CCDC171: variants seen among roughly 807,000 people sequenced by gnomAD.
The protein encoded by CCDC171 is coiled-coil domain-containing protein 171.
Under a neutral mutation model 168.2 loss-of-function variants are expected in CCDC171, and 177 were observed. The observed-to-expected ratio is 1.05, with a 90% CI of 0.93 to 1.19. The LOEUF is 1.19. Among genes scored for constraint, CCDC171 ranks in the 50% most tolerant of loss-of-function variants. The pLI is 0.00. For synonymous variants in CCDC171, 687 were observed against 540.8 expected (o/e 1.27, Z -3.75); for missense variants, 1,991 against 1,539.0 (o/e 1.29, Z -4.91).
chr9:16,087,572 T>C, the CCDC171 span, among the ~76,000 whole-genome samples: 2 of 147,108 alleles, frequency 1.4e-5, no homozygotes, highest in Non-Finnish European at 3.0e-5. Context: ...TTTTTTTTTT[T>C]TTTTTTTGCT....
chr9:15,729,823 T>TA, intron 16 of CCDC171, 25 bp downstream of exon 16: 2 of 1,579,518 alleles, frequency 1.3e-6, no homozygotes, highest in Non-Finnish European at 1.7e-6. Context: ...CAAAGAGCTT[T>TA]AAAAAATGGG....
chr9:15,611,001 GGGA>G (rs1271139324), intron 6 of CCDC171, among the ~76,000 whole-genome samples: 9 of 152,138 alleles, frequency 5.9e-5, no homozygotes, highest in African/African-American at 2.2e-4. Context: ...AGGGCCTGGT[GGGA>G]GGAGATCATG....
chr9:15,731,137 T>C (rs2054125441), intron 16 of CCDC171, among the ~76,000 whole-genome samples: 1 of 152,086 alleles, frequency 6.6e-6, no homozygotes. Flanking sequence ...TAAAGTCACC[T>C]TACTGTGCTT....
intron 18 of CCDC171, among the ~76,000 whole-genome samples, chr9:15,748,693 T>G (rs923598319): frequency 6.6e-6 from 1 of 152,196 alleles, no homozygotes; most frequent in Non-Finnish European, 1.5e-5. Context: ...AAAAGAATTT[T>G]CAACTCAGAA....
intron 3 of CCDC171, among the ~76,000 whole-genome samples, chr9:15,981,932 T>C (rs1564099602): frequency 6.6e-6 from 1 of 152,210 alleles, no homozygotes; most frequent in African/African-American, 2.4e-5. Context: ...TTTGTCTTTT[T>C]CATGAACAGT....
downstream of CCDC171, among the ~76,000 whole-genome samples, chr9:16,064,837 G>A (rs1392545273): frequency 6.6e-6 from 1 of 152,212 alleles, no homozygotes; most frequent in Non-Finnish European, 1.5e-5. Flanking sequence ...CTGGGTCTAA[G>A]GTATTTGAGA....
At chr9:16,034,293 GCAAAGATTTAATGGTTT>G (rs1307018448) in intron 6 of CCDC171, among the ~76,000 whole-genome samples, 1 of 152,170 alleles carries the variant, frequency 6.6e-6, no homozygotes, top group Non-Finnish European at 1.5e-5. Flanking sequence ...ATGAAGAGAT[GCAAAGATTTAATGGTTT>G]CAGGAGGGAG....
chr9:15,797,469 G>A (rs1198787345), intron 21 of CCDC171, among the ~76,000 whole-genome samples: 2 of 152,128 alleles, frequency 1.3e-5, no homozygotes, highest in Non-Finnish European at 1.5e-5. Context: ...ACCTGCCTCA[G>A]CCTCCCAAAG....
At chr9:15,702,319 C>T (rs2051819492) in intron 11 of CCDC171, among the ~76,000 whole-genome samples, 1 of 152,098 alleles carries the variant, frequency 6.6e-6, no homozygotes, top group Non-Finnish European at 1.5e-5. Flanking sequence ...TCAACTCTGC[C>T]TGTGCCCTGG....
chr9:15,811,560 T>A (rs552921239), intron 21 of CCDC171, among the ~76,000 whole-genome samples: 1 of 152,340 alleles, frequency 6.6e-6, no homozygotes, highest in South Asian at 2.1e-4. Context: ...CAATGAAAGC[T>A]GCATATGCAA....
rs971844995 is a variant in CCDC171, at chr9:15,992,750, A to G, written n.369-27839A>G. Among the ~76,000 whole-genome samples the G allele has an allele frequency of 2.0e-5, 3 of 152,222 alleles. No homozygotes were observed. In the East Asian group the frequency reaches 5.8e-4, roughly 29 times the overall value. On this transcript the variant is annotated intron_variant and non_coding_transcript_variant, in intron 3 of 9. Transcript: ENST00000486641. ...TGATAAGCAACTTCAGCAAAGTCTC[A>G]GGATACATAATCAATGTGCAAAAAT...
intron 21 of CCDC171, among the ~76,000 whole-genome samples, chr9:15,832,197 T>A (rs975022093): frequency 6.6e-6 from 1 of 152,238 alleles, no homozygotes; most frequent in Non-Finnish European, 1.5e-5. Flanking sequence ...CAAATAAATC[T>A]ACAGTGGACA....
intron 18 of CCDC171, among the ~76,000 whole-genome samples, chr9:15,774,508 GAATGT>G (rs757285272): frequency 1.6e-4 from 25 of 152,118 alleles, no homozygotes; most frequent in Non-Finnish European, 2.5e-4. Context: ...CTGTTTGTGG[GAATGT>G]AAACTAGTAC....
chr9:15,827,807 G>A (rs1458200020), intron 21 of CCDC171, among the ~76,000 whole-genome samples: 1 of 152,066 alleles, frequency 6.6e-6, no homozygotes, highest in Non-Finnish European at 1.5e-5. Flanking sequence ...TTAGTTTGTT[G>A]TAGCTGAATA....
chr9:15,984,942 A>G (rs1340476711), intron 3 of CCDC171, among the ~76,000 whole-genome samples: 1 of 152,192 alleles, frequency 6.6e-6, no homozygotes, highest in Non-Finnish European at 1.5e-5. Context: ...TCTATATGAA[A>G]GTTTTGATGT....
chr9:15,596,254 C>A (rs1255313354), intron 6 of CCDC171, among the ~76,000 whole-genome samples: 1 of 152,058 alleles, frequency 6.6e-6, no homozygotes. Context: ...CCTAGGTTTT[C>A]TTCTAGGGTT....
chr9:15,679,266 C>G (rs2049871378), intron 10 of CCDC171, among the ~76,000 whole-genome samples: 1 of 151,984 alleles, frequency 6.6e-6, no homozygotes, highest in East Asian at 1.9e-4. Context: ...TTGTTTTGTA[C>G]CTGATCACTC....
At chr9:15,890,452 C>G (rs1189922639) in intron 24 of CCDC171, among the ~76,000 whole-genome samples, 3 of 151,828 alleles carry the variant, frequency 2.0e-5, no homozygotes, top group African/African-American at 4.8e-5. Context: ...GTCTCATCCA[C>G]TAGGTAGCTC....
At chr9:16,050,252 G>A (rs1415014344) in intron 1 of CCDC171, among the ~76,000 whole-genome samples, 27 of 152,192 alleles carry the variant, frequency 1.8e-4, no homozygotes, top group Admixed American at 1.7e-3. Flanking sequence ...AAGTGTATGA[G>A]GCTACTTAAT....
Sources: gnomAD v4.1 joint callset for allele counts (sites outside exome capture counted in the v4.1 genomes callset) on GRCh38, gnomAD v4.1.1 for gene constraint, MANE v1.5 for transcripts, NCBI Gene and HGNC (gene_info 2026-07-23, HGNC 2026-07-21) for gene names.